The following LEKR1 variants were observed in gnomAD, a reference collection of about 807,000 sequenced individuals.
LEKR1 encodes the protein leucine, glutamate and lysine rich 1.
LEKR1 carries 59 observed loss-of-function variants against 72.4 expected under a neutral mutation model. The ratio of observed to expected loss-of-function variants is 0.82; its 90% CI spans 0.66 to 1.01. LEKR1 has a LOEUF of 1.01. Ranked by LOEUF, LEKR1 falls within the 50% of genes least tolerant of loss-of-function variation. The pLI is 0.00. For missense variants in LEKR1, 728 were observed against 759.2 expected, an observed-to-expected ratio of 0.96 and a Z score of 0.48; for synonymous variants, 257 against 263.2, an observed-to-expected ratio of 0.98 and a Z score of 0.23.
chr3:156,914,098 G>C (rs1270124713), intron 3 of LEKR1, among the ~76,000 whole-genome samples: 1 of 152,046 alleles, frequency 6.6e-6, no homozygotes, highest in Non-Finnish European at 1.5e-5. Context: ...ATTAGCAACA[G>C]TTCCTTGGTA....
intron 3 of LEKR1, among the ~76,000 whole-genome samples, chr3:156,912,488 T>C (rs1723208482): frequency 6.6e-6 from 1 of 152,162 alleles, no homozygotes; most frequent in Admixed American, 6.5e-5. Flanking sequence ...CAGTAGCTAG[T>C]TAAATTCCAG....
intron 10 of LEKR1, among the ~76,000 whole-genome samples, chr3:157,020,362 T>A (rs1733726270): frequency 1.4e-5 from 2 of 147,246 alleles, no homozygotes; most frequent in African/African-American, 4.9e-5. Context: ...TGTGCCATGC[T>A]GGTGTGCTGC....
chr3:156,983,605 A>C (rs1010925532), intron 7 of LEKR1, among the ~76,000 whole-genome samples: 1 of 152,094 alleles, frequency 6.6e-6, no homozygotes, highest in East Asian at 1.9e-4. Flanking sequence ...CATTTAAGCC[A>C]GCTGGCCCCT....
Position 157,024,867 on chromosome 3 carries a change from A to C in LEKR1, c.1311A>C (p.Glu437Asp). 6.2e-7 allele frequency: 1 copy of C among 1,609,488 alleles called. No individual in the cohort carries two copies. Among genetic ancestry groups the C allele is most frequent in the Non-Finnish European group, 8.5e-7 (1 of 1,176,546 alleles). ...AATTGCAACTTGATATTGAAAAAGA[A>C]AAACACCAAGATGTAATCCAAAAGT... ...ETKLQLDIEK[E>D]KHQDVIQKYK... Residue 437 changes from glutamate to aspartate, a missense_variant, in exon 11 of 13, where the codon GAA (glutamate) becomes GAC (aspartate). Glu to Asp is a conservative substitution (Grantham distance 45). Transcript: ENST00000356539.
chr3:156,884,222 A>G (rs1719813923), intron 3 of LEKR1, among the ~76,000 whole-genome samples: 1 of 152,154 alleles, frequency 6.6e-6, no homozygotes, highest in Non-Finnish European at 1.5e-5. Context: ...ATTTTCATCC[A>G]TTCTGCTGTT....
At chr3:156,937,247 C>A (rs1246592337) in intron 5 of LEKR1, among the ~76,000 whole-genome samples, 1 of 152,044 alleles carries the variant, frequency 6.6e-6, no homozygotes, top group Non-Finnish European at 1.5e-5. Flanking sequence ...AGCTACAGTA[C>A]AGACTAGGAG....
intron 7 of LEKR1, among the ~76,000 whole-genome samples, chr3:156,985,750 T>C (rs1356541594): frequency 6.7e-6 from 1 of 150,268 alleles, no homozygotes; most frequent in Non-Finnish European, 1.5e-5. Flanking sequence ...CACAAGAATC[T>C]CTTGAAACCT....
At chr3:156,857,703 T>G (rs769578659) in intron 3 of LEKR1, among the ~76,000 whole-genome samples, 5 of 152,216 alleles carry the variant, frequency 3.3e-5, no homozygotes, top group Non-Finnish European at 7.3e-5. Flanking sequence ...GTGTTTTGTT[T>G]CTGTAACACT....
chr3:156,871,483 G>A (rs1043452820), intron 3 of LEKR1, among the ~76,000 whole-genome samples: 2 of 152,112 alleles, frequency 1.3e-5, no homozygotes, highest in African/African-American at 4.8e-5. Flanking sequence ...GTAATGGGAT[G>A]GCTGGGTCAA....
At chr3:156,937,996 C>G (rs750747017) in intron 5 of LEKR1, among the ~76,000 whole-genome samples, 3 of 151,524 alleles carry the variant, frequency 2.0e-5, no homozygotes, top group Admixed American at 6.6e-5. Flanking sequence ...TTAGTGGTAG[C>G]CAGGGATTAG....
intron 3 of LEKR1, among the ~76,000 whole-genome samples, chr3:156,860,158 C>T (rs1282695798): frequency 6.6e-6 from 1 of 152,026 alleles, no homozygotes; most frequent in African/African-American, 2.4e-5. Context: ...TGGGACTACT[C>T]CATCTTGGTG....
At position 157,045,994 on chromosome 3, in the gene LEKR1, T is replaced by C; in HGVS notation, c.*244T>C. 1 of 455,516 alleles carries C rather than the reference T, an allele frequency of 2.2e-6. No individual in the cohort carries two copies. 28.2% of individuals were successfully genotyped at this position (455,516 alleles called of 1,614,324 possible). A position where few individuals can be genotyped will look rare whatever the true frequency, so the allele number is the denominator to read the frequency against. On this transcript the variant is annotated 3_prime_UTR_variant, in exon 13 of 13. Coordinates refer to ENST00000356539, the MANE Select transcript of LEKR1 (RefSeq NM_001004316.3). ...GTATTCCAGAGGTCCGATTTCTATGTTTATGTTGGAATGTGCTCTATGAAT... is the reference window on the plus strand; with the variant it reads ...GTATTCCAGAGGTCCGATTTCTATGCTTATGTTGGAATGTGCTCTATGAAT...
intron 6 of LEKR1, chr3:156,977,807 C>T (rs114162761): frequency 0.012 from 2,584 of 222,930 alleles, 70 homozygotes; most frequent in African/African-American, 0.055. Flanking sequence ...CTACAGGAAA[C>T]GCCACATGCT....
intron 6 of LEKR1, among the ~76,000 whole-genome samples, chr3:156,972,610 G>A (rs1243957010): frequency 6.6e-6 from 1 of 150,478 alleles, no homozygotes; most frequent in Non-Finnish European, 1.5e-5. Flanking sequence ...ACACTTGATT[G>A]TAATTTATAT....
intron 12 of LEKR1, 73 bp from the exon 13 acceptor site, chr3:157,045,267 A>AACTATCTAC: frequency 1.6e-6 from 2 of 1,253,726 alleles, no homozygotes; most frequent in East Asian, 4.7e-5. Context: ...CTCAAATTGT[A>AACTATCTAC]TTGTCCGTAA....
intron 9 of LEKR1, among the ~76,000 whole-genome samples, chr3:157,009,030 A>G (rs1338466984): frequency 2.0e-5 from 3 of 152,168 alleles, no homozygotes; most frequent in Admixed American, 1.3e-4. Context: ...GAGCTATTCA[A>G]AAATACATTT....
In LEKR1 at chr3:156,845,538, T is replaced by TA. The variant is rs1206990588; in HGVS notation, c.49-7219dup. Among the ~76,000 whole-genome samples the TA allele has an allele frequency of 1.8e-4, 27 of 150,494 alleles. 1 individual carries two copies. The highest frequency in any genetic ancestry group is 4.6e-4 in the African/African-American group (19 of 41,086). On this transcript the variant is annotated intron_variant, in intron 2 of 12. Coordinates refer to ENST00000356539, the MANE Select transcript of LEKR1 (RefSeq NM_001004316.3). ...GAGGTTTAGGTTGAGGTTCCTTTTTTAAAAAAAAAAATGTATGGATATCCA... is the reference window on the plus strand; with the variant it reads ...GAGGTTTAGGTTGAGGTTCCTTTTTTAAAAAAAAAAAATGTATGGATATCCA...
intron 1 of LEKR1, among the ~76,000 whole-genome samples, chr3:156,827,396 TAGG>T (rs2108526039): frequency 6.6e-6 from 1 of 152,306 alleles, no homozygotes; most frequent in Non-Finnish European, 1.5e-5. Flanking sequence ...GTGCATTACT[TAGG>T]AGGAAAGCCG....
intron 6 of LEKR1, among the ~76,000 whole-genome samples, chr3:156,953,515 C>G (rs943503817): frequency 6.6e-6 from 1 of 151,694 alleles, no homozygotes; most frequent in Non-Finnish European, 1.5e-5. Flanking sequence ...CTTCAACCCC[C>G]CAGTTGACAG....
Sources: allele counts gnomAD v4.1 joint callset (sites outside exome capture counted in the v4.1 genomes callset), GRCh38; gene constraint gnomAD v4.1.1; transcripts MANE v1.5; gene names NCBI Gene and HGNC (gene_info 2026-07-23, HGNC 2026-07-21).